RBBP6: variants seen among roughly 807,000 people sequenced by gnomAD.
RBBP6 encodes RB binding protein 6, ubiquitin ligase.
A neutral mutation model predicts 167.7 loss-of-function variants in RBBP6; 25 were observed. That is an observed-to-expected ratio of 0.15 (90% CI 0.11 to 0.21). The LOEUF is 0.21. RBBP6 is among the 10% of genes least tolerant of loss of function. The probability of loss-of-function intolerance (pLI) is 1.00; values close to 1 mark genes in which losing one functional copy is unlikely to be tolerated. For missense variants in RBBP6, 1,868 were observed against 2,134.2 expected (o/e 0.88, Z 2.46); for synonymous variants, 789 against 735.8 (o/e 1.07, Z -1.17).
At chr16:24,568,249 C>G (rs910484447) in intron 16 of RBBP6, among the ~76,000 whole-genome samples, 1 of 152,174 alleles carries the variant, frequency 6.6e-6, no homozygotes, top group Non-Finnish European at 1.5e-5. Context: ...GGAACATTAA[C>G]CTGCGTAATT....
chr16:24,560,747 G>A (rs1899031361), intron 8 of RBBP6, among the ~76,000 whole-genome samples: 1 of 152,156 alleles, frequency 6.6e-6, no homozygotes, highest in South Asian at 2.1e-4. Flanking sequence ...CATTTATATT[G>A]CAGCAGGTAT....
At chr16:24,554,879 T>C in intron 4 of RBBP6, 1 of 152,074 alleles carries the variant, frequency 6.6e-6, no homozygotes, top group Non-Finnish European at 1.5e-5. Flanking sequence ...GCTGTTGTTC[T>C]AAGCTCTGTT....
intron 8 of RBBP6, 119 bp from the exon 9 acceptor site, chr16:24,561,493 A>G: frequency 1.2e-6 from 1 of 816,706 alleles, no homozygotes; most frequent in Non-Finnish European, 2.0e-6. Context: ...AATGATTAGC[A>G]CGACATGCTT....
chr16:24,545,363 C>T (rs1296503262), intron 1 of RBBP6, among the ~76,000 whole-genome samples: 3 of 152,188 alleles, frequency 2.0e-5, no homozygotes, highest in African/African-American at 7.2e-5. Flanking sequence ...TGAACCACCG[C>T]GCCTGGCCAG....
rs145357251 is a variant in RBBP6 at position 24,561,070 on chromosome 16, C to T, written c.848-542C>T. Among the ~76,000 whole-genome samples, 1,100 of 152,158 alleles carry T rather than the reference C, an allele frequency of 7.2e-3. 10 individuals carry two copies. Among genetic ancestry groups the T allele is most frequent in the Middle Eastern group, 0.037 (11 of 294 alleles). ...TATCTGTAATTTAGTGTTGCTCCCA[C>T]GTACTGTGCTGTAGGTCTCTCATTT... On this transcript the variant is annotated intron_variant, in intron 8 of 17. Transcript: ENST00000319715.
intron 1 of RBBP6, among the ~76,000 whole-genome samples, chr16:24,541,204 C>CAAAAAAAAAAAAAAA (rs1491180757): frequency 9.8e-5 from 8 of 81,702 alleles, no homozygotes; most frequent in African/African-American, 3.3e-4. Flanking sequence ...AAAAAAAAAA[C>CAAAAAAAAAAAAAAA]CAAAAAAACA....
At chr16:24,545,329 C>A (rs1192634813) in intron 1 of RBBP6, among the ~76,000 whole-genome samples, 1 of 152,174 alleles carries the variant, frequency 6.6e-6, no homozygotes, top group East Asian at 1.9e-4. Flanking sequence ...CCCTCAGCCT[C>A]CCAAAATGCT....
chr16:24,558,737 C>A (rs1465702447), intron 7 of RBBP6, among the ~76,000 whole-genome samples: 1 of 152,054 alleles, frequency 6.6e-6, no homozygotes, highest in African/African-American at 2.4e-5. Context: ...TATTTAATGC[C>A]CAACATTTCT....
intron 2 of RBBP6, among the ~76,000 whole-genome samples, chr16:24,548,302 G>A (rs1470049944): frequency 2.1e-5 from 3 of 144,942 alleles, no homozygotes; most frequent in African/African-American, 7.9e-5. Context: ...TTCTGGGAGT[G>A]AGAATTTTTG....
chr16:24,558,777 C>T (rs1216285927), intron 7 of RBBP6, among the ~76,000 whole-genome samples: 1 of 152,116 alleles, frequency 6.6e-6, no homozygotes, highest in African/African-American at 2.4e-5. Flanking sequence ...AAAACTGGAC[C>T]TAGAATGTCT....
At position 24,564,817 on chromosome 16, in the gene RBBP6, T is replaced by G. The variant is rs1259565332; in HGVS notation, c.1541T>G (p.Leu514Arg). Residue 514 changes from leucine to arginine, a missense_variant, in exon 14 of 18, where the codon CTG becomes CGG. This residue lies in a region of RBBP6 where 245 missense variants were observed against 240.1 expected (regional missense o/e 1.02). Transcript: ENST00000319715. ...GWEHSNKLGY[L>R]VSPPQQIRRG... ...CACAGTTCCAACAAACTTGGCTATC[T>G]GGTTTCTCCACCACAACAAATTAGA... 3.7e-6 allele frequency: 6 copies of G among 1,612,910 alleles called. No homozygotes were observed. Among genetic ancestry groups the G allele is most frequent in the Non-Finnish European group, 5.1e-6 (6 of 1,179,228 alleles).
At chr16:24,543,734 C>A (rs1254091261) in intron 1 of RBBP6, among the ~76,000 whole-genome samples, 2 of 152,128 alleles carry the variant, frequency 1.3e-5, no homozygotes, top group Non-Finnish European at 2.9e-5. Context: ...ATATGAGAAA[C>A]TTTTCTGCAC....
rs536674741 is a variant in RBBP6 at position 24,540,393 on chromosome 16, C to T, written c.-234C>T. On this transcript the variant is annotated 5_prime_UTR_variant, in exon 1 of 18. Coordinates refer to ENST00000319715, the MANE Select transcript of RBBP6 (RefSeq NM_006910.5). Reference sequence around the variant, plus strand: ...GGCGGATTCTCGATTTCCCCTCTTCCCCGTCCTCGTCCTCCTCCTCCCCCA... The same window carrying T: ...GGCGGATTCTCGATTTCCCCTCTTCTCCGTCCTCGTCCTCCTCCTCCCCCA... 1.4e-5 allele frequency: 6 copies of T among 415,046 alleles called. No individual in the cohort carries two copies. Among genetic ancestry groups the T allele is most frequent in the Non-Finnish European group, 2.2e-5 (5 of 230,974 alleles). 25.7% of individuals were successfully genotyped at this position (415,046 alleles called of 1,614,324 possible).
intron 7 of RBBP6, among the ~76,000 whole-genome samples, chr16:24,557,083 C>G (rs1399316075): frequency 2.7e-5 from 4 of 150,386 alleles, no homozygotes; most frequent in Non-Finnish European, 4.4e-5. Flanking sequence ...ACTGCAAGCT[C>G]CACCTCCCAG....
At chr16:24,551,763 A>G (rs1290711658) in intron 3 of RBBP6, among the ~76,000 whole-genome samples, 1 of 151,732 alleles carries the variant, frequency 6.6e-6, no homozygotes, top group Non-Finnish European at 1.5e-5. Flanking sequence ...ATCAGTATTT[A>G]TATTCTATTC....
chr16:24,561,166 T>C (rs989585859), intron 8 of RBBP6, among the ~76,000 whole-genome samples: 3 of 152,228 alleles, frequency 2.0e-5, no homozygotes, highest in African/African-American at 7.2e-5. Flanking sequence ...TATATTTCTC[T>C]TTTGTTTTCT....
chr16:24,567,161 A>T lies in RBBP6; in HGVS notation c.1608A>T (p.Arg536=). 1 of 1,613,604 alleles carries T rather than the reference A, an allele frequency of 6.2e-7. No individual in the cohort carries two copies. The highest frequency in any genetic ancestry group is 8.5e-7 in the Non-Finnish European group (1 of 1,179,532). Residue 536 remains arginine (R), a synonymous_variant, in exon 15 of 18, where the codon CGA becomes CGT. Transcript: ENST00000319715. ...TTTCCAGAAGTATAAACCGTGGGCG[A>T]CACCACAGCGAAAGATCACAGAGGA... is the stretch of plus-strand genomic sequence containing the variant. ...RSCYRSINRG[R]HHSERSQRTQ... is the part of the protein sequence containing the mutation.
chr16:24,567,031 T>C (rs2141476338), intron 14 of RBBP6, 112 bp from the exon 15 acceptor site: 2 of 1,118,728 alleles, frequency 1.8e-6, no homozygotes, highest in Non-Finnish European at 2.5e-6. Context: ...GAATAGTTGG[T>C]TCTATTCCAC....
chr16:24,570,022 A>G lies in RBBP6; in HGVS notation c.3332A>G (p.Lys1111Arg). ...ETKPVKEEKV[K>R]KDYSKDVKSE... ...AAACCAGTCAAAGAGGAAAAAGTGAAGAAGGACTATTCCAAAGATGTCAAA... is the reference window on the plus strand; with the variant it reads ...AAACCAGTCAAAGAGGAAAAAGTGAGGAAGGACTATTCCAAAGATGTCAAA... Residue 1111 changes from lysine to arginine, a missense_variant, in exon 17 of 18, where the codon AAG becomes AGG. Around this residue, in one of 7 missense-constraint regions of RBBP6, gnomAD observed 673 missense variants for 691.5 expected, o/e 0.97. Transcript: ENST00000319715. 6.2e-7 allele frequency: 1 copy of G among 1,605,014 alleles called. No individual in the cohort carries two copies. Among genetic ancestry groups the G allele is most frequent in the Non-Finnish European group, 8.5e-7 (1 of 1,177,980 alleles).
Sources: allele counts gnomAD v4.1 joint callset (sites outside exome capture counted in the v4.1 genomes callset), GRCh38; gene constraint gnomAD v4.1.1; regional missense constraint gnomAD v4.1.1; transcripts MANE v1.5; gene names NCBI Gene and HGNC (gene_info 2026-07-23, HGNC 2026-07-21).